Variants in MRTFB observed in about 807,000 individuals in gnomAD.
MRTFB encodes myocardin-related transcription factor B.
Under a neutral mutation model 104.2 loss-of-function variants are expected in MRTFB, and 29 were observed. That is an observed-to-expected ratio of 0.28 (90% CI 0.21 to 0.38). The LOEUF (loss-of-function observed/expected upper bound fraction) is 0.38, where lower values mean the gene tolerates loss of function less well. Ranked by LOEUF, MRTFB falls within the 10% of genes least tolerant of loss-of-function variation. MRTFB has a pLI of 1.00. For missense variants in MRTFB, 1,270 were observed against 1,341.6 expected, an observed-to-expected ratio of 0.95 and a Z score of 0.83; for synonymous variants, 535 against 519.5, an observed-to-expected ratio of 1.03 and a Z score of -0.41.
At chr16:14,121,121 T>A (rs1303928207) in intron 2 of MRTFB, among the ~76,000 whole-genome samples, 1 of 152,230 alleles carries the variant, frequency 6.6e-6, no homozygotes, top group South Asian at 2.1e-4. Flanking sequence ...CTGGTTATTG[T>A]GAGTGTTCTT....
the MRTFB span, among the ~76,000 whole-genome samples, chr16:13,998,867 GT>G: frequency 1.4e-5 from 1 of 70,718 alleles, no homozygotes; most frequent in Admixed American, 2.2e-4. Flanking sequence ...GTGAGACTCT[GT>G]TTCAAAAAAA....
the MRTFB span, among the ~76,000 whole-genome samples, chr16:14,057,878 G>A: frequency 6.6e-6 from 1 of 152,222 alleles, no homozygotes; most frequent in Admixed American, 6.5e-5. Flanking sequence ...GAAAATAAGT[G>A]TGTTCCAGGT....
intron 9 of MRTFB, 55 bp downstream of exon 9, chr16:14,234,338 T>A: frequency 6.4e-7 from 1 of 1,560,796 alleles, no homozygotes; most frequent in South Asian, 1.2e-5. Context: ...ACTCTGTCTA[T>A]AACCCTGTGA....
intron 15 of MRTFB, among the ~76,000 whole-genome samples, chr16:14,253,263 T>C (rs905111081): frequency 2.0e-5 from 3 of 152,174 alleles, no homozygotes; most frequent in Non-Finnish European, 2.9e-5. Context: ...AGCTTAAAAC[T>C]AACCTTTGAG....
chr16:14,200,735 T>G, intron 3 of MRTFB: 1 of 1,508,318 alleles, frequency 6.6e-7, no homozygotes, highest in Non-Finnish European at 9.2e-7. Context: ...AGGAATCTTT[T>G]GGTTGGGACT....
chr16:14,223,372 A>ACTAT (rs1160680811), intron 8 of MRTFB, among the ~76,000 whole-genome samples: 3 of 152,120 alleles, frequency 2.0e-5, no homozygotes, highest in African/African-American at 7.2e-5. Flanking sequence ...ATCTCCAGAA[A>ACTAT]CTATCTTAGA....
At chr16:14,140,450 C>T (rs2037936932) in intron 2 of MRTFB, 94 bp from the exon 3 acceptor site, 1 of 863,498 alleles carries the variant, frequency 1.2e-6, no homozygotes, top group Non-Finnish European at 1.7e-6. Context: ...AGCAGTAAAA[C>T]TGGACTAGAA....
chr16:14,105,263 G>A (rs1163739930), intron 2 of MRTFB, among the ~76,000 whole-genome samples: 1 of 152,088 alleles, frequency 6.6e-6, no homozygotes, highest in Non-Finnish European at 1.5e-5. Flanking sequence ...GACCAGAGAA[G>A]TTTCTCCTTT....
Position 14,177,462 on chromosome 16 carries a change from C to T in MRTFB, c.155-32781C>T, listed in dbSNP as rs964224546. On this transcript the variant is annotated intron_variant, in intron 3 of 16. Coordinates refer to ENST00000571589, the MANE Select transcript of MRTFB (RefSeq NM_001308142.2). This position sits in a 1 kb window ranked among gnomAD's most constrained non-coding sequence, Gnocchi z 4.7. ...GGGTTTTGTTTGTTTGTTTTTTAAT[C>T]TTTGTTTTTTCACCTAGCAAAAGTG... is the stretch of plus-strand genomic sequence containing the variant. Among the ~76,000 whole-genome samples the T allele has an allele frequency of 6.6e-6, 1 of 152,238 alleles. No individual in the cohort carries two copies. Among genetic ancestry groups the T allele is most frequent in the East Asian group, 1.9e-4 (1 of 5,184 alleles).
chr16:14,190,247 A>AG (rs1207358240), intron 3 of MRTFB, among the ~76,000 whole-genome samples: 3 of 152,226 alleles, frequency 2.0e-5, no homozygotes, highest in African/African-American at 7.2e-5. Flanking sequence ...TCCTTAGACT[A>AG]GTTTCTTTTG....
intron 15 of MRTFB, among the ~76,000 whole-genome samples, chr16:14,254,528 G>A (rs2043395806): frequency 1.3e-5 from 2 of 152,236 alleles, no homozygotes; most frequent in Non-Finnish European, 2.9e-5. Flanking sequence ...AAAAGCCAGA[G>A]AGGAGATCCC....
chr16:14,101,904 A>G (rs930907273), intron 2 of MRTFB, among the ~76,000 whole-genome samples: 7 of 152,196 alleles, frequency 4.6e-5, no homozygotes, highest in Admixed American at 1.3e-4. Flanking sequence ...ATGTAATAAC[A>G]TCTTCTCAGT....
chr16:14,014,290 A>G, the MRTFB span, among the ~76,000 whole-genome samples: 10 of 152,328 alleles, frequency 6.6e-5, no homozygotes, highest in South Asian at 1.7e-3. Context: ...TCATGCCTGT[A>G]ATCCCAGCAC....
At chr16:14,139,313 G>A (rs148907385) in intron 2 of MRTFB, among the ~76,000 whole-genome samples, 1 of 152,184 alleles carries the variant, frequency 6.6e-6, no homozygotes, top group African/African-American at 2.4e-5. Context: ...ATTAAAAGAT[G>A]CACAGCATCA....
chr16:14,234,212 C>T lies in MRTFB; in HGVS notation c.760C>T (p.Pro254Ser), dbSNP rs752701678. 2 of 1,614,070 alleles carry T rather than the reference C, an allele frequency of 1.2e-6. No homozygotes were observed. Among genetic ancestry groups the T allele is most frequent in the African/African-American group, 1.3e-5 (1 of 74,928 alleles). Residue 254 changes from proline (P) to serine (S), a missense_variant, in exon 9 of 17, where the codon CCA (proline) becomes TCA (serine). Coordinates refer to ENST00000571589, the MANE Select transcript of MRTFB (RefSeq NM_001308142.2). ...TCCTCCAACTGCAGATCAGCCTCCC[C>T]CACGGCCTGCAGCTCCTGTCCTCCC... is the stretch of plus-strand genomic sequence containing the variant. ...KTPPTADQPP[P>S]RPAAPVLPTN...
chr16:14,028,394 T>G, the MRTFB span, among the ~76,000 whole-genome samples: 1 of 152,072 alleles, frequency 6.6e-6, no homozygotes, highest in African/African-American at 2.4e-5. Flanking sequence ...AGGCTCGGGT[T>G]TCCTGCAGCA....
chr16:14,150,651 T>C (rs1486964026), intron 3 of MRTFB, among the ~76,000 whole-genome samples: 2 of 152,092 alleles, frequency 1.3e-5, no homozygotes, highest in African/African-American at 2.4e-5. Flanking sequence ...TTGGACAATA[T>C]ATAGCAAGAC....
At chr16:14,187,000 G>A in intron 3 of MRTFB, 1 of 1,597,360 alleles carries the variant, frequency 6.3e-7, no homozygotes, top group Non-Finnish European at 8.5e-7. Context: ...GAAAAGGAAT[G>A]CCTTGAGGGG....
intron 3 of MRTFB, among the ~76,000 whole-genome samples, chr16:14,178,237 T>C (rs1302742158): frequency 2.6e-5 from 4 of 152,174 alleles, no homozygotes; most frequent in Non-Finnish European, 5.9e-5. Context: ...GGGAAGGTTC[T>C]GTAGCATTTA....
Sources: allele counts gnomAD v4.1 joint callset (sites outside exome capture counted in the v4.1 genomes callset), GRCh38; gene constraint gnomAD v4.1.1; non-coding constraint Gnocchi (gnomAD v3.1); transcripts MANE v1.5; gene names NCBI Gene and HGNC (gene_info 2026-07-23, HGNC 2026-07-21).